Variants in RPH3AL observed in about 807,000 individuals in gnomAD.
The protein encoded by RPH3AL is rab effector Noc2.
A neutral mutation model predicts 43.1 loss-of-function variants in RPH3AL; 38 were observed. The observed-to-expected ratio is 0.88, with a 90% CI of 0.68 to 1.15. The LOEUF is 1.15. RPH3AL is among the 50% of genes most tolerant of loss of function. The probability of loss-of-function intolerance (pLI) is 0.00; values close to 1 mark genes in which losing one functional copy is unlikely to be tolerated. For missense variants in RPH3AL, 462 were observed against 423.2 expected, an observed-to-expected ratio of 1.09 and a Z score of -0.81; for synonymous variants, 189 against 176.3, an observed-to-expected ratio of 1.07 and a Z score of -0.57.
intron 5 of RPH3AL, among the ~76,000 whole-genome samples, chr17:309,604 T>C (rs144836383): frequency 0.021 from 1,811 of 87,644 alleles, 409 homozygotes; most frequent in African/African-American, 0.078. Context: ...AGCCTCCTGC[T>C]GGGGGTCCAG....
intron 9 of RPH3AL, 39 bp from the exon 10 acceptor site, chr17:213,962 G>C (rs761645823): frequency 5.3e-6 from 8 of 1,505,140 alleles, no homozygotes; most frequent in Non-Finnish European, 6.4e-6. Context: ...GGTGAGCAGC[G>C]GTGGAGTCCC....
chr17:247,421 C>G (rs1347904056), intron 6 of RPH3AL, 136 bp from the exon 7 acceptor site: 5 of 843,342 alleles, frequency 5.9e-6, no homozygotes, highest in Non-Finnish European at 8.9e-6. Flanking sequence ...TCTGCCCTCC[C>G]TGGCTGATGG....
intron 5 of RPH3AL, among the ~76,000 whole-genome samples, chr17:305,704 G>A (rs1038659752): frequency 6.6e-6 from 1 of 152,030 alleles, no homozygotes; most frequent in Non-Finnish European, 1.5e-5. Context: ...GCCCACACCT[G>A]GTGGGCTCCT....
At chr17:281,737 G>A (rs1230457231) in intron 6 of RPH3AL, 31 bp downstream of exon 6, 2 of 1,400,122 alleles carry the variant, frequency 1.4e-6, no homozygotes, top group Admixed American at 3.8e-5. Flanking sequence ...AGCCCACTCA[G>A]CCCTCCCCAC....
chr17:232,960 G>T (rs1192413142), intron 7 of RPH3AL, among the ~76,000 whole-genome samples: 1 of 151,432 alleles, frequency 6.6e-6, no homozygotes, highest in Non-Finnish European at 1.5e-5. Context: ...ATCCATGCAG[G>T]GAGGAAAATG....
At chr17:265,087 A>C (rs1475697798) in intron 6 of RPH3AL, among the ~76,000 whole-genome samples, 1 of 152,176 alleles carries the variant, frequency 6.6e-6, no homozygotes, top group Non-Finnish European at 1.5e-5. Context: ...GGGAATTAAG[A>C]GACATTTTTT....
intron 6 of RPH3AL, among the ~76,000 whole-genome samples, chr17:276,503 C>T (rs1024990886): frequency 9.2e-5 from 14 of 152,208 alleles, no homozygotes; most frequent in African/African-American, 3.1e-4. Flanking sequence ...GTGATCCTCC[C>T]GCCTCAACCT....
At chr17:249,138 T>C (rs373148901) in intron 6 of RPH3AL, among the ~76,000 whole-genome samples, 1 of 152,168 alleles carries the variant, frequency 6.6e-6, no homozygotes, top group African/African-American at 2.4e-5. Flanking sequence ...ACATACTGTA[T>C]AGCCTCTTTT....
In RPH3AL at chr17:225,720, G is replaced by A. The variant is rs2041092772; in HGVS notation, c.614-5984C>T. ...TATGGGAGGTCTAGTCATGCTTCCT[G>A]ACTTGGAATGTCCCATCTCCCCCAC... On this transcript the variant is annotated intron_variant, in intron 7 of 9. Coordinates refer to ENST00000331302, the MANE Select transcript of RPH3AL (RefSeq NM_006987.4). The surrounding 1 kb of genome is among the most constrained non-coding windows in gnomAD (Gnocchi z 4.4). Among the ~76,000 whole-genome samples the A allele has an allele frequency of 1.3e-5, 2 of 152,200 alleles. No homozygotes were observed. The highest frequency in any genetic ancestry group is 1.3e-4 in the Admixed American group (2 of 15,282).
chr17:231,006 T>C lies in RPH3AL; in HGVS notation c.614-11270A>G, dbSNP rs565565297. Among the ~76,000 whole-genome samples the C allele has an allele frequency of 1.4e-4, 21 of 152,286 alleles. No homozygotes were observed. The East Asian group carries it at 4.1e-3, about 29-fold the overall frequency. On this transcript the variant is annotated intron_variant, in intron 7 of 9. Coordinates refer to ENST00000331302, the MANE Select transcript of RPH3AL (RefSeq NM_006987.4). ...TGGCCTCTTGCTGATGTTTCCAAACTCTCCCTCTGCCTCTGAATTTCTTAT... is the reference window on the plus strand; with the variant it reads ...TGGCCTCTTGCTGATGTTTCCAAACCCTCCCTCTGCCTCTGAATTTCTTAT...
Position 273,011 on chromosome 17 carries a change from GCGACA to G in RPH3AL, c.438+8752_438+8756del, listed in dbSNP as rs1567604579. The stretch of plus-strand genomic sequence containing the variant: ...ACGTCAGGGTGAGACCCCAGCGAGG[GCGACA>G]TCAGGAAGAGACCCCAGCGAGGGCG... On this transcript the variant is annotated intron_variant, in intron 6 of 9. Transcript: ENST00000331302. Among the ~76,000 whole-genome samples, 913 of 120,052 alleles carry G rather than the reference GCGACA, an allele frequency of 7.6e-3. 7 individuals carry two copies. Among genetic ancestry groups the G allele is most frequent in the Middle Eastern group, 0.026 (6 of 232 alleles). 78.8% of individuals were successfully genotyped at this position (120,052 alleles called of 152,430 possible).
At chr17:253,582 G>A (rs147255024) in intron 6 of RPH3AL, among the ~76,000 whole-genome samples, 1 of 152,096 alleles carries the variant, frequency 6.6e-6, no homozygotes, top group African/African-American at 2.4e-5. Context: ...CCCATCTCCA[G>A]AACTTGCCAA....
At chr17:286,905 T>C (rs2042926790) in intron 5 of RPH3AL, among the ~76,000 whole-genome samples, 1 of 135,328 alleles carries the variant, frequency 7.4e-6, no homozygotes, top group South Asian at 2.4e-4. Context: ...CTTTCAGACC[T>C]CGCACCCTCT....
chr17:321,121 C>G (rs1331973531), intron 4 of RPH3AL, 151 bp downstream of exon 4: 3 of 968,756 alleles, frequency 3.1e-6, no homozygotes, highest in Non-Finnish European at 4.5e-6. Flanking sequence ...GACAGAGCAC[C>G]CTTCAGCAAG....
chr17:243,543 AC>A, intron 7 of RPH3AL, among the ~76,000 whole-genome samples: 1 of 131,568 alleles, frequency 7.6e-6, no homozygotes, highest in Non-Finnish European at 1.6e-5. Context: ...TCTATTGATT[AC>A]CTTCCTCTAC....
At chr17:243,111 TTCCTCTACTGATTGCCCC>T (rs1334154197) in intron 7 of RPH3AL, among the ~76,000 whole-genome samples, 42 of 138,596 alleles carry the variant, frequency 3.0e-4, no homozygotes, top group Non-Finnish European at 6.2e-4. Context: ...ACTGATTACC[TTCCTCTACTGATTGCCCC>T]TCCTCTACTG....
intron 7 of RPH3AL, among the ~76,000 whole-genome samples, chr17:233,852 T>TTCC (rs1219722644): frequency 1.5e-5 from 2 of 137,844 alleles, no homozygotes; most frequent in African/African-American, 6.0e-5. Context: ...CTGACCAACT[T>TTCC]CCCTGAGCAG....
intron 6 of RPH3AL, among the ~76,000 whole-genome samples, chr17:269,849 T>C (rs1340914505): frequency 6.6e-6 from 1 of 152,182 alleles, no homozygotes; most frequent in Non-Finnish European, 1.5e-5. Context: ...ACTTCTCCAG[T>C]GCACAGACGT....
chr17:279,841 A>G (rs763466384), intron 6 of RPH3AL, among the ~76,000 whole-genome samples: 12 of 152,224 alleles, frequency 7.9e-5, no homozygotes, highest in Non-Finnish European at 1.6e-4. Flanking sequence ...CTGAAGAGGA[A>G]GGGAGGCCTC....
Sources: gnomAD v4.1 joint callset for allele counts (sites outside exome capture counted in the v4.1 genomes callset) on GRCh38, gnomAD v4.1.1 for gene constraint, Gnocchi (gnomAD v3.1) non-coding constraint, MANE v1.5 for transcripts, NCBI Gene and HGNC (gene_info 2026-07-23, HGNC 2026-07-21) for gene names.